Variants in PCDHGC5 observed in about 807,000 individuals in gnomAD.
PCDHGC5 encodes the protein protocadherin gamma-C5.
PCDHGC5 carries 25 observed loss-of-function variants against 59.0 expected under a neutral mutation model. The observed-to-expected ratio is 0.42, with a 90% CI of 0.31 to 0.59. The LOEUF is 0.59. Among genes scored for constraint, PCDHGC5 ranks in the 20% least tolerant of loss-of-function variants. PCDHGC5 has a pLI of 0.13. For synonymous variants in PCDHGC5, 434 were observed against 505.5 expected, an observed-to-expected ratio of 0.86 and a Z score of 1.90; for missense variants, 1,067 against 1,206.4, an observed-to-expected ratio of 0.88 and a Z score of 1.71.
intron 2 of PCDHGC5, among the ~76,000 whole-genome samples, chr5:141,500,410 C>G (rs2099800033): frequency 6.6e-6 from 1 of 151,774 alleles, no homozygotes; most frequent in Non-Finnish European, 1.5e-5. Flanking sequence ...GGGGTTTCAC[C>G]GTGTTAGCCA....
At chr5:141,503,801 G>A (rs920669425) in intron 2 of PCDHGC5, among the ~76,000 whole-genome samples, 1 of 151,990 alleles carries the variant, frequency 6.6e-6, no homozygotes, top group Admixed American at 6.6e-5. Flanking sequence ...ACTTAGGGAC[G>A]GGGAATCCCA....
At position 141,494,788 on chromosome 5, in the gene PCDHGC5, C is replaced by T. The variant is rs2099756942; in HGVS notation, c.2461-19C>T. The T allele has an allele frequency of 6.2e-7, 1 of 1,614,116 alleles. No homozygotes were observed. The highest frequency in any genetic ancestry group is 8.5e-7 in the Non-Finnish European group (1 of 1,180,000). On this transcript the variant is annotated intron_variant, in intron 1 of 3. Transcript: ENST00000252087. ...CTTCTCACGGGTACTCAGCCCCTTTCCCTCTGTTTTCTCCACAGCAAGCCC... is the reference window on the plus strand; with the variant it reads ...CTTCTCACGGGTACTCAGCCCCTTTTCCTCTGTTTTCTCCACAGCAAGCCC...
At chr5:141,505,361 A>G (rs2099845711) in intron 2 of PCDHGC5, 32 bp from the exon 3 acceptor site, 1 of 1,613,910 alleles carries the variant, frequency 6.2e-7, no homozygotes, top group South Asian at 1.1e-5. Context: ...CCGGCCTGGG[A>G]GTCTGTGCTC....
intron 2 of PCDHGC5, among the ~76,000 whole-genome samples, chr5:141,505,069 G>A (rs2099843308): frequency 2.0e-5 from 3 of 152,340 alleles, no homozygotes; most frequent in East Asian, 1.9e-4. Flanking sequence ...GACTGAGGCA[G>A]GAGAATCGCT....
Position 141,489,527 on chromosome 5 carries a change from G to A in PCDHGC5, c.287G>A (p.Cys96Tyr). Residue 96 changes from cysteine to tyrosine, a missense_variant, in exon 1 of 4, where the codon TGT (cysteine) becomes TAT (tyrosine). Cys to Tyr is a radical substitution (Grantham distance 194). Coordinates refer to ENST00000252087, the MANE Select transcript of PCDHGC5 (RefSeq NM_018929.3). The surrounding 1 kb of genome is among the most constrained non-coding windows in gnomAD (Gnocchi z 4.5). ...VNQKIDRESL[C>Y]GASTSCLLPV... The stretch of plus-strand genomic sequence containing the variant: ...CAAAAGATTGACCGAGAAAGCCTAT[G>A]TGGAGCCAGCACCAGCTGCCTGCTG... The A allele has an allele frequency of 1.9e-6, 3 of 1,614,152 alleles. No individual in the cohort carries two copies. Among genetic ancestry groups the A allele is most frequent in the East Asian group, 2.2e-5 (1 of 44,874 alleles).
Position 141,491,898 on chromosome 5 carries a change from G to C in PCDHGC5, c.2460+198G>C, listed in dbSNP as rs772673872. 9.0e-5 allele frequency: 129 copies of C among 1,428,816 alleles called. 1 individual carries two copies. In the Middle Eastern group the frequency reaches 2.0e-3, roughly 22 times the overall value. The allele number at this position is 1,428,816 out of a possible 1,614,324, so 88.5% of individuals were successfully genotyped here. On this transcript the variant is annotated intron_variant, in intron 1 of 3. Coordinates refer to ENST00000252087, the MANE Select transcript of PCDHGC5 (RefSeq NM_018929.3). The surrounding 1 kb of genome is among the most constrained non-coding windows in gnomAD (Gnocchi z 6.9). ...ATTAAGGGATGGGGCTCCGAGCACCGGGGGTGGTGGCGACTGTGGGCGAGG... is the reference window on the plus strand; with the variant it reads ...ATTAAGGGATGGGGCTCCGAGCACCCGGGGTGGTGGCGACTGTGGGCGAGG...
Position 141,491,417 on chromosome 5 carries a change from G to A in PCDHGC5, c.2177G>A (p.Gly726Asp), listed in dbSNP as rs200843744. 5 of 1,613,988 alleles carry A rather than the reference G, an allele frequency of 3.1e-6. No homozygotes were observed. The highest frequency in any genetic ancestry group is 1.1e-5 in the South Asian group (1 of 91,092). ...CLQGNADGDGGGGQCCRRQDS... is the reference protein window; with the variant it reads ...CLQGNADGDGDGGQCCRRQDS... Reference sequence around the variant, plus strand: ...CAGGGAAACGCAGACGGGGACGGGGGTGGAGGGCAGTGCTGCAGGCGCCAG... The same window carrying A: ...CAGGGAAACGCAGACGGGGACGGGGATGGAGGGCAGTGCTGCAGGCGCCAG... The change falls in exon 1 of 4, where the codon GGT (glycine) becomes GAT (aspartate). Residue 726 changes from glycine to aspartate, a missense_variant. Gly to Asp is a moderately conservative substitution (Grantham distance 94). Transcript: ENST00000252087. The surrounding 1 kb of genome is among the most constrained non-coding windows in gnomAD (Gnocchi z 6.9).
intron 3 of PCDHGC5, chr5:141,506,958 A>C (rs529190059): frequency 1.6e-3 from 239 of 152,280 alleles, no homozygotes; most frequent in African/African-American, 5.5e-3. Flanking sequence ...GAATCCTCTC[A>C]ATAGCTCTGC....
intron 3 of PCDHGC5, among the ~76,000 whole-genome samples, chr5:141,506,485 A>C (rs2154593953): frequency 6.6e-6 from 1 of 150,572 alleles, no homozygotes; most frequent in East Asian, 2.0e-4. Flanking sequence ...CTTTAGAGGC[A>C]GGCCAATCTG....
chr5:141,489,381 T>A lies in PCDHGC5; in HGVS notation c.141T>A (p.Asn47Lys). 1 of 1,613,894 alleles carries A rather than the reference T, an allele frequency of 6.2e-7. No homozygotes were observed. The highest frequency in any genetic ancestry group is 8.5e-7 in the Non-Finnish European group (1 of 1,179,802). ...EESEPGTLVG[N>K]VAQDLGLKMT... is the part of the protein sequence containing the mutation. ...CTGAGCCGGGGACGCTGGTGGGGAATGTTGCTCAGGATCTGGGCTTAAAGA... is the reference window on the plus strand; with the variant it reads ...CTGAGCCGGGGACGCTGGTGGGGAAAGTTGCTCAGGATCTGGGCTTAAAGA... Residue 47 changes from asparagine to lysine, a missense_variant, in exon 1 of 4, where the codon AAT becomes AAA. Physicochemically the swap from Asn to Lys is moderately conservative, Grantham distance 94. Transcript: ENST00000252087. The surrounding 1 kb of genome is among the most constrained non-coding windows in gnomAD (Gnocchi z 4.5).
chr5:141,490,106 T>C lies in PCDHGC5; in HGVS notation c.866T>C (p.Val289Ala), dbSNP rs1314489019. The change falls in exon 1 of 4, where the codon GTG (valine) becomes GCG (alanine). Residue 289 changes from valine (V) to alanine (A), a missense_variant. Physicochemically the swap from Val to Ala is moderately conservative, Grantham distance 64. Coordinates refer to ENST00000252087, the MANE Select transcript of PCDHGC5 (RefSeq NM_018929.3). The surrounding 1 kb of genome is among the most constrained non-coding windows in gnomAD (Gnocchi z 5.4). ...TTTGGAGACCACACATCTGAGGCAG[T>C]GCGGAACCTCTTTGGCCTAGACCCT... ...YSFGDHTSEA[V>A]RNLFGLDPSS... 2.5e-6 allele frequency: 4 copies of C among 1,614,246 alleles called. No homozygotes were observed. Among genetic ancestry groups the C allele is most frequent in the South Asian group, 1.1e-5 (1 of 91,086 alleles).
Position 141,491,422 on chromosome 5 carries a change from G to A in PCDHGC5, c.2182G>A (p.Gly728Arg). 1 of 1,614,112 alleles carries A rather than the reference G, an allele frequency of 6.2e-7. No individual in the cohort carries two copies. Among genetic ancestry groups the A allele is most frequent in the East Asian group, 2.2e-5 (1 of 44,874 alleles). Residue 728 changes from glycine to arginine, a missense_variant, in exon 1 of 4, where the codon GGG (glycine) becomes AGG (arginine). Gly to Arg is a moderately radical substitution (Grantham distance 125). Coordinates refer to ENST00000252087, the MANE Select transcript of PCDHGC5 (RefSeq NM_018929.3). The surrounding 1 kb of genome is among the most constrained non-coding windows in gnomAD (Gnocchi z 6.9). The stretch of plus-strand genomic sequence containing the variant: ...AAACGCAGACGGGGACGGGGGTGGA[G>A]GGCAGTGCTGCAGGCGCCAGGACTC... ...QGNADGDGGG[G>R]QCCRRQDSPS...
chr5:141,510,582 A>G (rs1156375287), intron 3 of PCDHGC5, among the ~76,000 whole-genome samples: 2 of 152,166 alleles, frequency 1.3e-5, no homozygotes, highest in Non-Finnish European at 2.9e-5. Context: ...TATTTTACGT[A>G]CCTGACATAC....
chr5:141,500,444 C>T (rs1032064705), intron 2 of PCDHGC5, among the ~76,000 whole-genome samples: 3 of 151,370 alleles, frequency 2.0e-5, no homozygotes, highest in African/African-American at 4.9e-5. Context: ...CTCCTGACCT[C>T]GTGATCCGCC....
rs1468210173 is a variant in PCDHGC5 at position 141,512,170 on chromosome 5, A to T, written c.*997A>T. 1 of 152,720 alleles carries T rather than the reference A, an allele frequency of 6.5e-6. No homozygotes were observed. The highest frequency in any genetic ancestry group is 1.5e-5 in the Non-Finnish European group (1 of 68,120). The allele number at this position is 152,720 out of a possible 1,614,324, so 9.5% of individuals were successfully genotyped here. On this transcript the variant is annotated 3_prime_UTR_variant, in exon 4 of 4. Coordinates refer to ENST00000252087, the MANE Select transcript of PCDHGC5 (RefSeq NM_018929.3). ...TGGGCTGAGCTAACAGGACCAATGG[A>T]TTAAACTGGCATTTCAGTCCAAGGA...
chr5:141,497,492 C>G (rs954582026), intron 2 of PCDHGC5, among the ~76,000 whole-genome samples: 1 of 151,628 alleles, frequency 6.6e-6, no homozygotes, highest in Non-Finnish European at 1.5e-5. Flanking sequence ...ACCTCTCTCT[C>G]TCTCCTCTCT....
chr5:141,498,684 C>T (rs1255085852), intron 2 of PCDHGC5, among the ~76,000 whole-genome samples: 1 of 152,192 alleles, frequency 6.6e-6, no homozygotes, highest in South Asian at 2.1e-4. Flanking sequence ...GTAATCCCAG[C>T]ACTTTGGGAG....
intron 3 of PCDHGC5, among the ~76,000 whole-genome samples, chr5:141,506,011 C>T (rs1209221520): frequency 6.6e-6 from 1 of 152,204 alleles, no homozygotes; most frequent in Non-Finnish European, 1.5e-5. Flanking sequence ...TCCTCTTTTG[C>T]TGCCCCTAAC....
chr5:141,507,023 C>T (rs971356315), intron 3 of PCDHGC5: 16 of 152,348 alleles, frequency 1.1e-4, no homozygotes, highest in African/African-American at 2.4e-4. Flanking sequence ...AAGGCACTTG[C>T]CCCAGGGTCC....
Sources: gnomAD v4.1 joint callset for allele counts (sites outside exome capture counted in the v4.1 genomes callset) on GRCh38, gnomAD v4.1.1 for gene constraint, Gnocchi (gnomAD v3.1) non-coding constraint, MANE v1.5 for transcripts, NCBI Gene and HGNC (gene_info 2026-07-23, HGNC 2026-07-21) for gene names.